HEPH: variants seen among roughly 807,000 people sequenced by gnomAD.
HEPH encodes hephaestin.
A neutral mutation model predicts 80.8 loss-of-function variants in HEPH; 69 were observed. That is an observed-to-expected ratio of 0.85 (90% CI 0.70 to 1.04). HEPH has a LOEUF of 1.04. HEPH is among the 50% of genes least tolerant of loss of function. HEPH has a pLI of 0.00. For missense variants in HEPH, 1,115 were observed against 891.3 expected (o/e 1.25, Z -3.20); for synonymous variants, 431 against 322.8 (o/e 1.34, Z -3.60).
At chrX:66,225,596 C>T (rs1247535443) in intron 15 of HEPH, among the ~76,000 whole-genome samples, 1 of 112,590 alleles carries the variant, frequency 8.9e-6, no homozygotes, top group African/African-American at 3.2e-5. Flanking sequence ...GTCTGGACTC[C>T]AGGTGCCATT....
chrX:66,180,524 C>T (rs1476913048), intron 4 of HEPH, among the ~76,000 whole-genome samples: 1 of 109,884 alleles, frequency 9.1e-6, no homozygotes, highest in Admixed American at 9.8e-5. Context: ...GTGTTTTTGT[C>T]TCACAGCTCT....
chrX:66,199,929 T>G, intron 11 of HEPH, among the ~76,000 whole-genome samples: 1 of 108,667 alleles, frequency 9.2e-6, no homozygotes, highest in East Asian at 2.9e-4. Flanking sequence ...CACAGGACAA[T>G]GGTGTGTGTG....
chrX:66,235,432 A>G (rs1263844069), intron 15 of HEPH, among the ~76,000 whole-genome samples: 1 of 111,605 alleles, frequency 9.0e-6, no homozygotes, highest in Non-Finnish European at 1.9e-5. Context: ...GAGTTATCCT[A>G]GCACCATTTA....
Position 66,203,584 on chromosome X carries a change from C to T in HEPH, c.2291+7C>T, listed in dbSNP as rs1265167717. ...ACCAGTCTGAGAAGGACAGGTAAGG[C>T]TTCATAAATGGAGAGATTACACTTT... is the stretch of plus-strand genomic sequence containing the variant. On this transcript the variant is annotated splice_region_variant and intron_variant, in intron 13 of 20. Coordinates refer to ENST00000343002, the MANE Select transcript of HEPH (RefSeq NM_001367233.3). 1.7e-6 allele frequency: 2 copies of T among 1,197,241 alleles called. No homozygotes were observed. The highest frequency in any genetic ancestry group is 1.8e-5 in the South Asian group (1 of 56,153).
At chrX:66,208,035 T>C in intron 14 of HEPH, 80 bp from the exon 15 acceptor site, 1 of 737,215 alleles carries the variant, frequency 1.4e-6, no homozygotes, top group Non-Finnish European at 2.0e-6. Flanking sequence ...GAAGTGCTCA[T>C]ATATGTCCCT....
chrX:66,193,815 AC>A (rs1270997087), intron 8 of HEPH, among the ~76,000 whole-genome samples, 177 bp downstream of exon 8: 2 of 112,096 alleles, frequency 1.8e-5, no homozygotes, highest in African/African-American at 6.5e-5. Flanking sequence ...TTTTAAAACC[AC>A]TAAGTTAAGC....
intron 18 of HEPH, among the ~76,000 whole-genome samples, chrX:66,259,406 G>T (rs2091282858): frequency 9.0e-6 from 1 of 111,602 alleles, no homozygotes; most frequent in African/African-American, 3.3e-5. Flanking sequence ...TTTAGTCTTA[G>T]GTAAAGGAGG....
intron 15 of HEPH, among the ~76,000 whole-genome samples, chrX:66,212,718 T>A (rs1478991162): frequency 8.9e-6 from 1 of 111,801 alleles, no homozygotes; most frequent in South Asian, 3.7e-4. Context: ...TACCATAGCC[T>A]TTTAATATAT....
chrX:66,263,717 C>T, intron 20 of HEPH, 29 bp downstream of exon 20: 4 of 1,182,136 alleles, frequency 3.4e-6, no homozygotes, highest in Non-Finnish European at 4.6e-6. Flanking sequence ...AGACTGGGTA[C>T]TTATACATAG....
chrX:66,195,557 A>G (rs1377151910), intron 9 of HEPH, among the ~76,000 whole-genome samples: 1 of 111,496 alleles, frequency 9.0e-6, no homozygotes, highest in African/African-American at 3.3e-5. Context: ...TTATGTGCTT[A>G]TACAAGTCTA....
chrX:66,205,067 C>T (rs767608243), intron 13 of HEPH, among the ~76,000 whole-genome samples: 20 of 111,407 alleles, frequency 1.8e-4, no homozygotes, highest in African/African-American at 3.6e-4. Context: ...AACCGTTTTC[C>T]GCATCCCTCC....
At position 66,266,698 on chromosome X, in the gene HEPH, G is replaced by C; in HGVS notation, c.*26G>C. 1 of 1,088,046 alleles carries C rather than the reference G, an allele frequency of 9.2e-7. No homozygotes were observed. The highest frequency in any genetic ancestry group is 1.3e-6 in the Non-Finnish European group (1 of 787,720). The allele number at this position is 1,088,046 out of a possible 1,213,427, so 89.7% of individuals were successfully genotyped here. A position where few individuals can be genotyped will look rare whatever the true frequency, so the allele number is the denominator to read the frequency against. On this transcript the variant is annotated 3_prime_UTR_variant, in exon 21 of 21. Coordinates refer to ENST00000343002, the MANE Select transcript of HEPH (RefSeq NM_001367233.3). ...CATCTGGAGCCTGGAGATATCCTCA[G>C]GAAGCACATCTGTAGTGCACTCCCA...
intron 19 of HEPH, among the ~76,000 whole-genome samples, chrX:66,262,506 G>A (rs1322916402): frequency 9.0e-6 from 1 of 111,710 alleles, no homozygotes; most frequent in African/African-American, 3.3e-5. Flanking sequence ...CCACTCTGGG[G>A]GATGGGAAAT....
chrX:66,171,217 C>T (rs180925546), intron 2 of HEPH: 52 of 245,892 alleles, frequency 2.1e-4, no homozygotes, highest in African/African-American at 1.5e-3. Context: ...GTGACACAGA[C>T]CATACTAGAA....
intron 4 of HEPH, among the ~76,000 whole-genome samples, chrX:66,183,170 G>C (rs1246793162): frequency 8.0e-5 from 1 of 12,467 alleles, no homozygotes; most frequent in Non-Finnish European, 1.2e-4. Context: ...CTCTTTTTTG[G>C]TTGTGTCTCT....
intron 15 of HEPH, among the ~76,000 whole-genome samples, chrX:66,241,471 T>A (rs1173038906): frequency 9.0e-6 from 1 of 111,582 alleles, no homozygotes; most frequent in Non-Finnish European, 1.9e-5. Flanking sequence ...TTATTCAAGA[T>A]AAAACAGACT....
chrX:66,174,795 G>C (rs1265597976), intron 4 of HEPH, among the ~76,000 whole-genome samples: 1 of 111,536 alleles, frequency 9.0e-6, no homozygotes, highest in Admixed American at 9.5e-5. Flanking sequence ...TCATATGTTT[G>C]TTGGCCATTT....
At chrX:66,192,718 A>G (rs780803663) in intron 7 of HEPH, among the ~76,000 whole-genome samples, 2 of 111,987 alleles carry the variant, frequency 1.8e-5, no homozygotes, top group African/African-American at 3.2e-5. Context: ...GAGCAGGGGT[A>G]TAAAAAGCAC....
chrX:66,238,067 C>T (rs779430137), intron 15 of HEPH, among the ~76,000 whole-genome samples: 313 of 111,694 alleles, frequency 2.8e-3, no homozygotes, highest in Middle Eastern at 9.2e-3. Flanking sequence ...TGGTTCCTTA[C>T]GCAGCTTGCC....
Sources: gnomAD v4.1 joint callset for allele counts (sites outside exome capture counted in the v4.1 genomes callset) on GRCh38, gnomAD v4.1.1 for gene constraint, MANE v1.5 for transcripts, NCBI Gene and HGNC (gene_info 2026-07-23, HGNC 2026-07-21) for gene names.